ASMT: variants seen among roughly 807,000 people sequenced by gnomAD.
The protein encoded by ASMT is acetylserotonin N-methyltransferase.
In ASMT, 53 loss-of-function variants were observed where a neutral mutation model predicts 41.3. The observed-to-expected ratio is 1.28, with a 90% confidence interval of 1.03 to 1.61. The LOEUF (loss-of-function observed/expected upper bound fraction) is 1.61. Ranked by LOEUF, ASMT falls within the 40% of genes most tolerant of loss-of-function variation. ASMT has a pLI of 0.00. For synonymous variants in ASMT, 231 were observed against 184.8 expected (o/e 1.25, Z -2.03); for missense variants, 531 against 441.3 (o/e 1.20, Z -1.82).
intron 3 of ASMT, among the ~76,000 whole-genome samples, chrX:1,625,094 C>T (rs866649867): frequency 7.4e-6 from 1 of 134,730 alleles, no homozygotes; most frequent in African/African-American, 2.9e-5. Context: ...TTTGTTTTTT[C>T]TTTTCTTTTC....
intron 7 of ASMT, among the ~76,000 whole-genome samples, chrX:1,634,682 T>A (rs1481953135): frequency 6.7e-6 from 1 of 149,582 alleles, no homozygotes; most frequent in African/African-American, 2.5e-5. Context: ...CTTGTTTTTT[T>A]GAGACGGAGT....
At chrX:1,631,641 G>A (rs1300589795) in intron 5 of ASMT, among the ~76,000 whole-genome samples, 16 of 152,132 alleles carry the variant, frequency 1.1e-4, no homozygotes, top group East Asian at 9.6e-4. Flanking sequence ...CAGACCGGGC[G>A]CGGTGGCTCA....
intron 8 of ASMT, among the ~76,000 whole-genome samples, chrX:1,640,901 C>T (rs1261991026): frequency 1.5e-4 from 1 of 6,890 alleles, no homozygotes; most frequent in Non-Finnish European, 2.5e-4. Flanking sequence ...CTGTGAGATC[C>T]ATCCATCCTG....
rs1324077190 is a variant in ASMT, at chrX:1,629,797, G to C, written c.444-24G>C. On this transcript the variant is annotated intron_variant, in intron 4 of 8. Transcript: ENST00000381241. The stretch of plus-strand genomic sequence containing the variant: ...CACGTCCCCAGATCCTCACCATCTT[G>C]ACAAGCGTGGTTTTGCATGCCAGGT... The C allele has an allele frequency of 1.9e-6, 3 of 1,610,298 alleles. No individual in the cohort carries two copies. The African/African-American group carries it at 4.0e-5, about 21-fold the overall frequency.
chrX:1,623,193 GGGCCCCTGGACGTGGC>G lies in ASMT; in HGVS notation c.128_143del (p.Pro43GlnfsTer6). On this transcript the variant is annotated frameshift_variant, in exon 2 of 9. Coordinates refer to ENST00000381241, the MANE Select transcript of ASMT (RefSeq NM_001171038.2). LOFTEE classifies it high-confidence loss of function. The stretch of plus-strand genomic sequence containing the variant: ...GTTTGACCTTCTCGCCGAGGCCCCA[GGGCCCCTGGACGTGGC>G]GGCAGTGGCTGCAGGTGTGAGGGCC... 6.2e-7 allele frequency: 1 copy of G among 1,613,340 alleles called. No individual in the cohort carries two copies. The highest frequency in any genetic ancestry group is 8.5e-7 in the Non-Finnish European group (1 of 1,179,840).
intron 5 of ASMT, among the ~76,000 whole-genome samples, chrX:1,630,259 G>T (rs1384019887): frequency 2.7e-5 from 4 of 149,430 alleles, no homozygotes; most frequent in African/African-American, 9.9e-5. Flanking sequence ...TCAGCCTCCC[G>T]AGTAGCTGGG....
At chrX:1,625,104 CTTTCT>C (rs1428365864) in intron 3 of ASMT, among the ~76,000 whole-genome samples, 1 of 127,354 alleles carries the variant, frequency 7.9e-6, no homozygotes, top group Non-Finnish European at 1.6e-5. Flanking sequence ...CTTTTCTTTT[CTTTCT>C]TTTTTTTTTT....
In ASMT at chrX:1,629,736, T is replaced by G. The variant is rs1385881693; in HGVS notation, c.444-85T>G. 5.4e-4 allele frequency: 676 copies of G among 1,260,408 alleles called. 6 individuals are homozygous for G. Among genetic ancestry groups the G allele is most frequent in the Middle Eastern group, 1.9e-4 (1 of 5,232 alleles). 78.1% of individuals were successfully genotyped at this position (1,260,408 alleles called of 1,614,324 possible). A position where few individuals can be genotyped will look rare whatever the true frequency, so the allele number is the denominator to read the frequency against. On this transcript the variant is annotated intron_variant, in intron 4 of 8. Transcript: ENST00000381241. ...GGTGCACCTGTGGGGTATAGCTCCG[T>G]TCTCAACAGGGGGTTATGTACACCC...
chrX:1,615,756 C>CAT (rs1934067336), intron 1 of ASMT, among the ~76,000 whole-genome samples: 1 of 151,238 alleles, frequency 6.6e-6, no homozygotes, highest in Non-Finnish European at 1.5e-5. Flanking sequence ...GAGCCGAGAT[C>CAT]GCACCACTGC....
intron 8 of ASMT, among the ~76,000 whole-genome samples, chrX:1,641,366 A>G (rs6644789): frequency 0.41 from 29,050 of 70,762 alleles, 9,067 homozygotes; most frequent in East Asian, 0.84. Flanking sequence ...TGTGTGTGAT[A>G]GGGACCATGT....
intron 1 of ASMT, among the ~76,000 whole-genome samples, chrX:1,616,421 G>A (rs1415247856): frequency 1.3e-5 from 2 of 151,482 alleles, no homozygotes; most frequent in Admixed American, 1.3e-4. Flanking sequence ...GTGGAAAGTG[G>A]ACTGGTGGTT....
intron 1 of ASMT, among the ~76,000 whole-genome samples, chrX:1,615,571 G>A (rs1166128918): frequency 2.0e-5 from 3 of 152,054 alleles, no homozygotes; most frequent in Non-Finnish European, 4.4e-5. Context: ...GGGAGGCTGA[G>A]GCGGGCGGAT....
chrX:1,636,477 A>T lies in ASMT; in HGVS notation c.827A>T (p.Tyr276Phe). ...GACCCTCTTCCGGAAGCTGATCTGT[A>T]CATCCTGGCCAGGGTCCTCCATGAC... ...FKDPLPEADLYILARVLHDWA... is the reference protein window; with the variant it reads ...FKDPLPEADLFILARVLHDWA... Residue 276 changes from tyrosine to phenylalanine, a missense_variant, in exon 8 of 9, where the codon TAC (tyrosine) becomes TTC (phenylalanine). Physicochemically the swap from Tyr to Phe is conservative, Grantham distance 22. Transcript: ENST00000381241. 1.9e-6 allele frequency: 3 copies of T among 1,613,850 alleles called. No individual in the cohort carries two copies. The highest frequency in any genetic ancestry group is 2.5e-6 in the Non-Finnish European group (3 of 1,179,858).
chrX:1,641,298 GCTCTCC>G (rs1569387257), intron 8 of ASMT, among the ~76,000 whole-genome samples: 1 of 33,510 alleles, frequency 3.0e-5, no homozygotes, highest in African/African-American at 9.3e-5. Flanking sequence ...CCATGTCCCA[GCTCTCC>G]TGTGAGGTCC....
In ASMT at chrX:1,615,162, C is replaced by G. The variant is rs746013368; in HGVS notation, c.-38C>G. The stretch of plus-strand genomic sequence containing the variant: ...CTCTGTGCTCCTTGAAGCAAGCGCT[C>G]CAGAGGCTCCGGAAGCCACGGCTGG... On this transcript the variant is annotated 5_prime_UTR_variant, in exon 1 of 9. Coordinates refer to ENST00000381241, the MANE Select transcript of ASMT (RefSeq NM_001171038.2). 1.9e-6 allele frequency: 3 copies of G among 1,560,646 alleles called. No homozygotes were observed. Among genetic ancestry groups the G allele is most frequent in the Non-Finnish European group, 1.7e-6 (2 of 1,150,446 alleles).
chrX:1,628,282 C>T (rs1428934306), intron 4 of ASMT, among the ~76,000 whole-genome samples: 2 of 152,158 alleles, frequency 1.3e-5, no homozygotes, highest in Non-Finnish European at 2.9e-5. Flanking sequence ...GATCGCACCA[C>T]TGCACTCCAG....
intron 7 of ASMT, among the ~76,000 whole-genome samples, chrX:1,634,256 G>C (rs1468724375): frequency 6.6e-6 from 1 of 152,208 alleles, no homozygotes; most frequent in African/African-American, 2.4e-5. Context: ...TAGAGTTCGG[G>C]AGAAACCACA....
intron 2 of ASMT, 86 bp downstream of exon 2, chrX:1,623,399 A>G: frequency 3.3e-6 from 5 of 1,532,782 alleles, no homozygotes; most frequent in South Asian, 1.1e-5. Context: ...AACAGTCTCC[A>G]TCCTGGCTCA....
chrX:1,634,911 TGCCTCG>T (rs1325913097), intron 7 of ASMT, among the ~76,000 whole-genome samples: 1 of 151,768 alleles, frequency 6.6e-6, no homozygotes, highest in Non-Finnish European at 1.5e-5. Flanking sequence ...GTGATCCACC[TGCCTCG>T]GCCTCCCAAA....
Sources: allele counts gnomAD v4.1 joint callset (sites outside exome capture counted in the v4.1 genomes callset), GRCh38; gene constraint gnomAD v4.1.1; transcripts MANE v1.5; gene names NCBI Gene and HGNC (gene_info 2026-07-23, HGNC 2026-07-21).